Variants in KCNJ6 observed in about 807,000 individuals in gnomAD.
KCNJ6 encodes G protein-activated inward rectifier potassium channel 2.
Under a neutral mutation model 34.2 loss-of-function variants are expected in KCNJ6, and 9 were observed. That is an observed-to-expected ratio of 0.26 (90% CI 0.16 to 0.46). KCNJ6 has a LOEUF of 0.46. Among genes scored for constraint, KCNJ6 ranks in the 20% least tolerant of loss-of-function variants. The probability of loss-of-function intolerance (pLI) is 1.00; values close to 1 mark genes in which losing one functional copy is unlikely to be tolerated. For synonymous variants in KCNJ6, 196 were observed against 207.1 expected, an observed-to-expected ratio of 0.95 and a Z score of 0.46; for missense variants, 236 against 531.3, an observed-to-expected ratio of 0.44 and a Z score of 5.46.
intron 2 of KCNJ6, among the ~76,000 whole-genome samples, chr21:37,784,584 C>T (rs912493194): frequency 6.6e-6 from 1 of 152,170 alleles, no homozygotes; most frequent in Non-Finnish European, 1.5e-5. Context: ...TAGCATGGGG[C>T]CTTTCCTAGC....
intron 1 of KCNJ6, among the ~76,000 whole-genome samples, chr21:37,894,159 G>C (rs148252227): frequency 1.1e-4 from 16 of 152,300 alleles, no homozygotes; most frequent in African/African-American, 1.7e-4. Flanking sequence ...TTTGATATCT[G>C]TCTAAACTCA....
intron 1 of KCNJ6, among the ~76,000 whole-genome samples, chr21:37,866,895 T>C (rs1006114860): frequency 1.3e-5 from 2 of 152,262 alleles, no homozygotes; most frequent in Non-Finnish European, 2.9e-5. Context: ...CATATCCTTC[T>C]AGGTTTTCTG....
At chr21:37,879,251 G>C (rs1045500123) in intron 1 of KCNJ6, among the ~76,000 whole-genome samples, 9 of 152,132 alleles carry the variant, frequency 5.9e-5, no homozygotes, top group Non-Finnish European at 1.3e-4. Context: ...TAGAGAATTT[G>C]TACAGGTCAG....
chr21:37,777,288 C>T (rs1458928262), intron 2 of KCNJ6, among the ~76,000 whole-genome samples: 1 of 151,920 alleles, frequency 6.6e-6, no homozygotes, highest in Non-Finnish European at 1.5e-5. Context: ...GTTAGCATGC[C>T]TCCCGCACCC....
chr21:37,641,210 A>G (rs1329706195), intron 3 of KCNJ6, among the ~76,000 whole-genome samples: 1 of 152,184 alleles, frequency 6.6e-6, no homozygotes, highest in Non-Finnish European at 1.5e-5. Context: ...CTTGGCCACA[A>G]TTTTATCTCC....
At chr21:37,903,565 TTGGAATA>T (rs1429905022) in intron 1 of KCNJ6, among the ~76,000 whole-genome samples, 2 of 152,070 alleles carry the variant, frequency 1.3e-5, no homozygotes, top group Non-Finnish European at 2.9e-5. Flanking sequence ...TGTTTTGTGG[TTGGAATA>T]TGAAGCACAG....
intron 1 of KCNJ6, among the ~76,000 whole-genome samples, chr21:37,885,074 A>G (rs2836034): frequency 0.077 from 11,782 of 152,258 alleles, 469 homozygotes; most frequent in African/African-American, 0.085. Flanking sequence ...GTTGGGATCC[A>G]TCTGTCTAGC....
At chr21:37,657,010 T>C (rs2054467293) in intron 3 of KCNJ6, among the ~76,000 whole-genome samples, 1 of 152,064 alleles carries the variant, frequency 6.6e-6, no homozygotes, top group Admixed American at 6.6e-5. Context: ...TCCTAGAAGA[T>C]GCAGAGAGGT....
At chr21:37,676,215 C>T (rs879604469) in intron 3 of KCNJ6, among the ~76,000 whole-genome samples, 19 of 152,180 alleles carry the variant, frequency 1.2e-4, no homozygotes, top group Non-Finnish European at 2.5e-4. Context: ...GGGGACTGAC[C>T]TTTGGGTCAG....
intron 3 of KCNJ6, among the ~76,000 whole-genome samples, chr21:37,631,209 GAC>G (rs1258749948): frequency 6.6e-6 from 1 of 152,160 alleles, no homozygotes; most frequent in Admixed American, 6.5e-5. Context: ...GAAAAGAGTA[GAC>G]TTAGAGAACC....
chr21:37,718,729 T>C (rs186537376), intron 2 of KCNJ6, among the ~76,000 whole-genome samples: 58 of 152,226 alleles, frequency 3.8e-4, no homozygotes, highest in African/African-American at 1.2e-3. Flanking sequence ...GACAAGTTGA[T>C]GGGTGCAGCA....
At chr21:37,824,580 G>T (rs116356356) in intron 2 of KCNJ6, among the ~76,000 whole-genome samples, 1 of 152,076 alleles carries the variant, frequency 6.6e-6, no homozygotes, top group Non-Finnish European at 1.5e-5. Flanking sequence ...GAGGGACCTG[G>T]TGGGAGGTAA....
chr21:37,686,150 T>C (rs1239858422), intron 3 of KCNJ6, among the ~76,000 whole-genome samples: 1 of 152,154 alleles, frequency 6.6e-6, no homozygotes, highest in African/African-American at 2.4e-5. Context: ...ACTTTTAATG[T>C]AAAAACACCC....
At chr21:37,843,878 C>CAGTG (rs1296733043) in intron 1 of KCNJ6, among the ~76,000 whole-genome samples, 4 of 152,152 alleles carry the variant, frequency 2.6e-5, no homozygotes, top group Admixed American at 2.0e-4. Flanking sequence ...ACAGCAGTCC[C>CAGTG]AGTGCAGTGT....
rs1021810709 is a variant in KCNJ6 at position 37,627,667 on chromosome 21, A to T, written c.947-2183T>A. ...AAAGAGGTTCACAGGGAGCTTTGGA[A>T]AGCTCTGACATATTCCTGAGAAACT... On this transcript the variant is annotated intron_variant, in intron 3 of 3. Coordinates refer to ENST00000609713, the MANE Select transcript of KCNJ6 (RefSeq NM_002240.5). Among the ~76,000 whole-genome samples, 4 of 152,320 alleles carry T rather than the reference A, an allele frequency of 2.6e-5. No individual in the cohort carries two copies. The East Asian group carries it at 7.7e-4, about 29-fold the overall frequency.
chr21:37,810,540 G>C (rs2055317601), intron 2 of KCNJ6, among the ~76,000 whole-genome samples: 1 of 152,118 alleles, frequency 6.6e-6, no homozygotes, highest in African/African-American at 2.4e-5. Context: ...TTACCCACCT[G>C]GTGTTGTCAA....
At chr21:37,705,153 A>T (rs908346047) in intron 3 of KCNJ6, among the ~76,000 whole-genome samples, 1 of 152,194 alleles carries the variant, frequency 6.6e-6, no homozygotes, top group Admixed American at 6.5e-5. Flanking sequence ...ATTGAGCCAT[A>T]GTTGTCGGTG....
chr21:37,831,877 C>A (rs2055427896), intron 2 of KCNJ6, among the ~76,000 whole-genome samples: 1 of 151,968 alleles, frequency 6.6e-6, no homozygotes, highest in African/African-American at 2.4e-5. Flanking sequence ...AAGAGGAAGG[C>A]AAATGAGAAG....
rs1556008734 is a variant in KCNJ6 at position 37,616,600 on chromosome 21, T to TATATATATATATATATATATAACC, written c.*8558_*8559insGGTTATATATATATATATATATAT. On this transcript the variant is annotated 3_prime_UTR_variant, in exon 4 of 4. Coordinates refer to ENST00000609713, the MANE Select transcript of KCNJ6 (RefSeq NM_002240.5). ...CAGGAACAAAATGTACATATATATA[T>TATATATATATATATATATATAACC]ATATATATATATATATGGTTAGACT... The TATATATATATATATATATATAACC allele has an allele frequency of 2.0e-4, 25 of 123,160 alleles. No individual in the cohort carries two copies. The highest frequency in any genetic ancestry group is 1.7e-3 in the Admixed American group (19 of 11,112). The allele number at this position is 123,160 out of a possible 1,614,324, so 7.6% of individuals were successfully genotyped here. A position where few individuals can be genotyped will look rare whatever the true frequency, so the allele number is the denominator to read the frequency against.
Sources: allele counts gnomAD v4.1 joint callset (sites outside exome capture counted in the v4.1 genomes callset), GRCh38; gene constraint gnomAD v4.1.1; transcripts MANE v1.5; gene names NCBI Gene and HGNC (gene_info 2026-07-23, HGNC 2026-07-21).